The following USP34 variants were observed in gnomAD, a reference collection of about 807,000 sequenced individuals.
USP34 encodes ubiquitin specific peptidase 34, also known as ubiquitin carboxyl-terminal hydrolase 34.
USP34 carries 70 observed loss-of-function variants against 460.3 expected under a neutral mutation model. The ratio of observed to expected loss-of-function variants is 0.15; its 90% CI spans 0.13 to 0.19. USP34 has a LOEUF of 0.19. USP34 is among the 10% of genes least tolerant of loss of function. USP34 has a pLI of 1.00. For synonymous variants in USP34, 1,647 were observed against 1,405.3 expected (o/e 1.17, Z -3.85); for missense variants, 3,985 against 4,236.2 (o/e 0.94, Z 1.65).
intron 41 of USP34, among the ~76,000 whole-genome samples, chr2:61,275,110 C>G (rs1483499819): frequency 6.6e-6 from 1 of 151,954 alleles, no homozygotes. Flanking sequence ...AATCCCGTCT[C>G]TACAAAAGAT....
chr2:61,310,313 T>C (rs1690546938), intron 27 of USP34, among the ~76,000 whole-genome samples: 1 of 152,070 alleles, frequency 6.6e-6, no homozygotes, highest in Non-Finnish European at 1.5e-5. Context: ...ACATTGTTTG[T>C]AATAGCAAAA....
chr2:61,416,940 C>A (rs878941619), intron 2 of USP34: 7 of 1,219,740 alleles, frequency 5.7e-6, no homozygotes, highest in Non-Finnish European at 8.3e-6. Flanking sequence ...CATACTTGAC[C>A]CCACAGCCAT....
chr2:61,411,826 G>A (rs182191942), intron 2 of USP34, among the ~76,000 whole-genome samples: 95 of 152,262 alleles, frequency 6.2e-4, no homozygotes, highest in African/African-American at 2.2e-3. Flanking sequence ...TTATTACCAT[G>A]AAAGGATAAC....
At chr2:61,459,637 C>T (rs1558607833) in intron 1 of USP34, among the ~76,000 whole-genome samples, 3 of 151,926 alleles carry the variant, frequency 2.0e-5, no homozygotes, top group Admixed American at 6.6e-5. Flanking sequence ...ATTAGCCGAG[C>T]GTGGTGGCAG....
Position 61,266,119 on chromosome 2 carries a change from T to C in USP34, c.5482A>G (p.Lys1828Glu). Residue 1828 changes from lysine (K) to glutamate (E), a missense_variant, in exon 42 of 80, where the codon AAG becomes GAG. Around this residue, in one of 14 missense-constraint regions of USP34, gnomAD observed 1,114 missense variants for 1,122.5 expected, o/e 0.99. Transcript: ENST00000398571. ...FNLLFLLPSL[K>E]DRQQPKCKSH... ...TTGCACTTTGGCTGTTGTCGGTCCT[T>C]TAGACTTGGCAACAAAAACAGGAGA... 6.2e-7 allele frequency: 1 copy of C among 1,613,564 alleles called. No homozygotes were observed. The highest frequency in any genetic ancestry group is 1.7e-5 in the Admixed American group (1 of 59,946).
intron 13 of USP34, among the ~76,000 whole-genome samples, 163 bp from the exon 14 acceptor site, chr2:61,349,049 G>C (rs959532934): frequency 8.7e-6 from 1 of 115,434 alleles, no homozygotes; most frequent in Non-Finnish European, 2.0e-5. Context: ...GATTTCTAAA[G>C]AAGATGTAAG....
rs1691849764 is a variant in USP34, at chr2:61,348,785, G to A, written c.1645C>T (p.His549Tyr). Residue 549 changes from histidine to tyrosine, a missense_variant, in exon 14 of 80, where the codon CAT (histidine) becomes TAT (tyrosine). By Grantham distance (83) the His-to-Tyr change is moderately conservative. Coordinates refer to ENST00000398571, the MANE Select transcript of USP34 (RefSeq NM_014709.4). Reference protein sequence around the residue: ...MDEQLINRTKHVQQRLSDTEE... With the variant: ...MDEQLINRTKYVQQRLSDTEE... Reference sequence around the variant, plus strand: ...GTGTCTGAAAGTCGTTGTTGCACATGTTTGGTTCTATTAATAAGTTGCTCA... The same window carrying A: ...GTGTCTGAAAGTCGTTGTTGCACATATTTGGTTCTATTAATAAGTTGCTCA... 5.6e-6 allele frequency: 9 copies of A among 1,613,720 alleles called. No individual in the cohort carries two copies. Among genetic ancestry groups the A allele is most frequent in the Non-Finnish European group, 7.6e-6 (9 of 1,179,832 alleles).
intron 21 of USP34, among the ~76,000 whole-genome samples, chr2:61,323,830 AT>A (rs1438337430): frequency 6.6e-6 from 1 of 152,188 alleles, no homozygotes. Context: ...TATTTCTTGA[AT>A]GTTATCAGTC....
At chr2:61,291,422 A>G (rs1323154323) in intron 33 of USP34, among the ~76,000 whole-genome samples, 1 of 152,186 alleles carries the variant, frequency 6.6e-6, no homozygotes. Flanking sequence ...AGGACCCAGA[A>G]ACTGCACTCT....
chr2:61,395,741 G>A lies in USP34; in HGVS notation c.553-508C>T, dbSNP rs1313388795. Reference sequence around the variant, plus strand: ...GCGGAGCTTGCAGTGAGCGGAGATCGCGCCACAGCACTCCCGCCTGGGCGA... The same window carrying A: ...GCGGAGCTTGCAGTGAGCGGAGATCACGCCACAGCACTCCCGCCTGGGCGA... On this transcript the variant is annotated intron_variant, in intron 3 of 79. Transcript: ENST00000398571. Among the ~76,000 whole-genome samples the A allele has an allele frequency of 1.8e-4, 24 of 130,282 alleles. No homozygotes were observed. In the Admixed American group the frequency reaches 1.9e-3, roughly 10 times the overall value. 85.5% of individuals were successfully genotyped at this position (130,282 alleles called of 152,430 possible).
intron 10 of USP34, among the ~76,000 whole-genome samples, chr2:61,355,039 G>A (rs1453970031): frequency 1.3e-5 from 2 of 152,276 alleles, no homozygotes; most frequent in East Asian, 1.9e-4. Context: ...GGCACTCCCC[G>A]AGGAAAGGGA....
intron 2 of USP34, among the ~76,000 whole-genome samples, chr2:61,411,295 T>C (rs1291112933): frequency 1.3e-5 from 2 of 151,502 alleles, no homozygotes; most frequent in South Asian, 2.1e-4. Flanking sequence ...GATAAGAGGA[T>C]TGCTTGACTC....
intron 2 of USP34, among the ~76,000 whole-genome samples, chr2:61,408,518 C>T (rs1003890781): frequency 2.6e-5 from 4 of 152,136 alleles, no homozygotes; most frequent in Non-Finnish European, 5.9e-5. Context: ...ACAACTCCCA[C>T]AAGAAGAAAA....
At chr2:61,446,131 A>AC (rs1172457113) in intron 1 of USP34, among the ~76,000 whole-genome samples, 1 of 151,536 alleles carries the variant, frequency 6.6e-6, no homozygotes, top group East Asian at 1.9e-4. Context: ...AAAAAAAAAA[A>AC]AAACTAAACT....
chr2:61,300,898 T>C (rs1690199375), intron 29 of USP34, 53 bp downstream of exon 29: 3 of 1,208,360 alleles, frequency 2.5e-6, no homozygotes, highest in Admixed American at 4.6e-5. Flanking sequence ...AAAGTTACTA[T>C]ATCCTCTCAA....
chr2:61,242,170 A>C (rs1688281995), intron 51 of USP34, among the ~76,000 whole-genome samples: 1 of 152,214 alleles, frequency 6.6e-6, no homozygotes, highest in Non-Finnish European at 1.5e-5. Flanking sequence ...TGGAAATAAA[A>C]ACTGAATTTA....
intron 27 of USP34, among the ~76,000 whole-genome samples, chr2:61,304,325 T>A (rs1690335084): frequency 6.6e-6 from 1 of 152,348 alleles, no homozygotes; most frequent in African/African-American, 2.4e-5. Context: ...ATAACTTTGT[T>A]CCAAAAGAGA....
intron 1 of USP34, among the ~76,000 whole-genome samples, chr2:61,466,564 CTA>C (rs1695768041): frequency 6.6e-6 from 1 of 152,156 alleles, no homozygotes; most frequent in Non-Finnish European, 1.5e-5. Context: ...TGAAACATCA[CTA>C]TGTACACCAT....
chr2:61,311,486 G>A (rs73936115), intron 27 of USP34, 54 bp downstream of exon 27: 51 of 152,314 alleles, frequency 3.3e-4, no homozygotes, highest in South Asian at 1.1e-3. Flanking sequence ...AAGAGAAAGA[G>A]AAAAAGAAAG....
Sources: gnomAD v4.1 joint callset for allele counts (sites outside exome capture counted in the v4.1 genomes callset) on GRCh38, gnomAD v4.1.1 for gene constraint, gnomAD v4.1.1 regional missense constraint, MANE v1.5 for transcripts, NCBI Gene and HGNC (gene_info 2026-07-23, HGNC 2026-07-21) for gene names.